Variants in TMEM276 observed in about 807,000 individuals in gnomAD.
TMEM276 encodes transmembrane protein 276.
chr8:144,465,446 C>CT, the TMEM276 span: 1 of 1,003,834 alleles, frequency 1.0e-6, no homozygotes, highest in Non-Finnish European at 1.2e-6. Context: ...TCTGCCGTGC[C>CT]CCCAGTTGCG....
At chr8:144,466,638 C>A in the TMEM276 span, 3 of 953,720 alleles carry the variant, frequency 3.1e-6, no homozygotes, top group Admixed American at 4.1e-5. Context: ...CGAGGACCCT[C>A]GGCTCGGCCC....
the TMEM276 span, chr8:144,466,867 C>T: frequency 1.3e-6 from 2 of 1,535,836 alleles, no homozygotes; most frequent in Non-Finnish European, 8.7e-7. Flanking sequence ...TCCCGCGGTG[C>T]GAGGGCGGTG....
the TMEM276 span, chr8:144,465,961 A>G: frequency 3.4e-3 from 258 of 76,076 alleles, 3 homozygotes; most frequent in African/African-American, 0.013. Context: ...AGCCTGGGCG[A>G]GGCTGCAAGG....
chr8:144,466,436 C>A, the TMEM276 span: 1 of 1,357,384 alleles, frequency 7.4e-7, no homozygotes, highest in East Asian at 3.4e-5. Flanking sequence ...GCCTTTTACT[C>A]GTTGCTCATC....
the TMEM276 span, chr8:144,465,124 C>G: frequency 6.9e-7 from 1 of 1,447,838 alleles, no homozygotes; most frequent in Middle Eastern, 1.8e-4. Context: ...CTAATTCAGC[C>G]GGGAAACGGG....
the TMEM276 span, chr8:144,464,458 A>C: frequency 6.2e-7 from 1 of 1,612,276 alleles, no homozygotes. Flanking sequence ...GTCCCCATTC[A>C]CCCAGTGGAA....
the TMEM276 span, chr8:144,466,777 G>C: frequency 1.7e-4 from 262 of 1,532,808 alleles, no homozygotes; most frequent in Non-Finnish European, 2.2e-4. Context: ...GCAAGCCCCG[G>C]GGTCGCCGGC....
the TMEM276 span, chr8:144,466,711 A>G: frequency 1.4e-6 from 2 of 1,422,130 alleles, no homozygotes; most frequent in Non-Finnish European, 1.9e-6. Flanking sequence ...GGAAGGGGCC[A>G]GCAGGCTGCC....
the TMEM276 span, chr8:144,464,508 C>T: frequency 6.2e-7 from 1 of 1,612,120 alleles, no homozygotes; most frequent in African/African-American, 1.3e-5. Context: ...CGGTGGCCAC[C>T]CAGGCTCCAG....
the TMEM276 span, chr8:144,464,511 G>C: frequency 6.2e-7 from 1 of 1,612,302 alleles, no homozygotes; most frequent in Non-Finnish European, 8.5e-7. Context: ...TGGCCACCCA[G>C]GCTCCAGCAA....
chr8:144,466,413 C>A, the TMEM276 span: 1 of 1,279,346 alleles, frequency 7.8e-7, no homozygotes, highest in Non-Finnish European at 1.0e-6. Context: ...TGCCGCCCCG[C>A]GCTCCCATGT....
At chr8:144,465,303 C>A in the TMEM276 span, 1 of 1,125,114 alleles carries the variant, frequency 8.9e-7, no homozygotes, top group Non-Finnish European at 1.1e-6. Flanking sequence ...AACCCGGGTC[C>A]AGGAGGAGCG....
At chr8:144,464,148 T>C in the TMEM276 span, 1 of 1,611,902 alleles carries the variant, frequency 6.2e-7, no homozygotes, top group African/African-American at 1.3e-5. Flanking sequence ...GGAGGCGCTG[T>C]GTATGCAGGG....
chr8:144,463,912 C>G, the TMEM276 span: 1 of 1,415,518 alleles, frequency 7.1e-7, no homozygotes, highest in South Asian at 1.6e-5. Flanking sequence ...GACCCCCAAA[C>G]GTGTCTGGGA....
the TMEM276 span, chr8:144,465,364 G>A: frequency 1.0e-5 from 11 of 1,048,778 alleles, no homozygotes; most frequent in African/African-American, 1.6e-4. Context: ...GGGCTGCGCG[G>A]TCCCAACGCA....
At chr8:144,465,231 C>T in the TMEM276 span, 1 of 1,167,426 alleles carries the variant, frequency 8.6e-7, no homozygotes, top group African/African-American at 1.6e-5. Context: ...AGCGGCGAGG[C>T]GCTGCAGGCC....
the TMEM276 span, chr8:144,466,344 C>A: frequency 1.0e-5 from 5 of 495,530 alleles, no homozygotes; most frequent in Non-Finnish European, 1.4e-5. Flanking sequence ...ACCGGCACTG[C>A]GGCGGGCGGG....
At chr8:144,464,507 C>T in the TMEM276 span, 1 of 1,612,308 alleles carries the variant, frequency 6.2e-7, no homozygotes, top group East Asian at 2.2e-5. Context: ...ACGGTGGCCA[C>T]CCAGGCTCCA....
At chr8:144,465,013 A>G in the TMEM276 span, 1 of 1,539,008 alleles carries the variant, frequency 6.5e-7, no homozygotes, top group Non-Finnish European at 8.7e-7. Flanking sequence ...CACTCTAGTA[A>G]GCCCAGGTTC....
Sources: allele counts gnomAD v4.1 joint callset, GRCh38; gene constraint gnomAD v4.1.1; transcripts MANE v1.5; gene names NCBI Gene and HGNC (gene_info 2026-07-23, HGNC 2026-07-21).